Variants in EPAS1 observed in about 807,000 individuals in gnomAD.
EPAS1 encodes the protein endothelial PAS domain protein 1.
In EPAS1, 23 loss-of-function variants were observed where a neutral mutation model predicts 87.9. The observed-to-expected ratio is 0.26, with a 90% confidence interval of 0.19 to 0.37. The LOEUF (loss-of-function observed/expected upper bound fraction) is 0.37. Ranked by LOEUF, EPAS1 falls within the 10% of genes least tolerant of loss-of-function variation. The pLI is 1.00. For missense variants in EPAS1, 1,138 were observed against 1,120.7 expected, an observed-to-expected ratio of 1.02 and a Z score of -0.22; for synonymous variants, 508 against 444.3, an observed-to-expected ratio of 1.14 and a Z score of -1.80.
At chr2:46,298,085 C>A in intron 1 of EPAS1, 148 bp downstream of exon 1, 2 of 1,017,062 alleles carry the variant, frequency 2.0e-6, no homozygotes, top group Non-Finnish European at 2.9e-6. Flanking sequence ...AGGGGGAGAG[C>A]ATGTGCCCGG....
chr2:46,329,433 A>G (rs1348388548), intron 1 of EPAS1, among the ~76,000 whole-genome samples: 2 of 152,212 alleles, frequency 1.3e-5, no homozygotes, highest in African/African-American at 4.8e-5. Context: ...CAAAAAGGCA[A>G]TGAGACCGAG....
chr2:46,337,048 G>A (rs1200151458), intron 1 of EPAS1, among the ~76,000 whole-genome samples: 1 of 152,228 alleles, frequency 6.6e-6, no homozygotes, highest in Admixed American at 6.5e-5. Flanking sequence ...GAATTCTTAG[G>A]AAAGATCTAG....
intron 3 of EPAS1, 133 bp downstream of exon 3, chr2:46,356,435 GCCACA>G: frequency 3.4e-6 from 4 of 1,178,018 alleles, no homozygotes; most frequent in Non-Finnish European, 4.9e-6. Context: ...CTGACCTCAG[GCCACA>G]CGCCTCAGGC....
At chr2:46,327,395 A>G (rs949667451) in intron 1 of EPAS1, among the ~76,000 whole-genome samples, 52 of 147,340 alleles carry the variant, frequency 3.5e-4, no homozygotes, top group African/African-American at 1.4e-3. Flanking sequence ...CAGTGAGAAC[A>G]TAGGAATAGA....
At chr2:46,381,306 C>T (rs1204258153) in intron 12 of EPAS1, 2 of 473,130 alleles carry the variant, frequency 4.2e-6, no homozygotes, top group African/African-American at 3.9e-5. Context: ...GAGCAAAAGG[C>T]AGAGGAGAGA....
At chr2:46,376,923 C>T (rs182762392) in intron 9 of EPAS1, among the ~76,000 whole-genome samples, 170 bp downstream of exon 9, 2 of 152,304 alleles carry the variant, frequency 1.3e-5, no homozygotes, top group African/African-American at 4.8e-5. Flanking sequence ...CACAAAAGAA[C>T]ACCACACGCT....
intron 1 of EPAS1, among the ~76,000 whole-genome samples, chr2:46,329,736 C>T (rs749260487): frequency 5.3e-5 from 8 of 152,154 alleles, no homozygotes; most frequent in African/African-American, 1.2e-4. Flanking sequence ...GCGGGAGAAT[C>T]GCTTGAACCC....
rs149306391 is a variant in EPAS1 at position 46,343,878 on chromosome 2, C to G, written c.27-2995C>G. Among the ~76,000 whole-genome samples, 250 of 152,366 alleles carry G rather than the reference C, an allele frequency of 1.6e-3. 1 individual carries two copies. Among genetic ancestry groups the G allele is most frequent in the East Asian group, 8.9e-3 (46 of 5,188 alleles). On this transcript the variant is annotated intron_variant, in intron 1 of 15. Transcript: ENST00000263734. ...GCTCTAGGCAAGTAACTTACCTGCT[C>G]AAGTGTCTGTTTCCAGATCTGTGAA...
At chr2:46,317,367 C>G (rs1284757399) in intron 1 of EPAS1, among the ~76,000 whole-genome samples, 1 of 152,138 alleles carries the variant, frequency 6.6e-6, no homozygotes, top group Non-Finnish European at 1.5e-5. Flanking sequence ...CAGAATTACT[C>G]CTTGATCCAT....
intron 6 of EPAS1, among the ~76,000 whole-genome samples, chr2:46,361,751 T>C (rs1251430795): frequency 2.6e-5 from 4 of 152,090 alleles, no homozygotes; most frequent in Admixed American, 2.0e-4. Context: ...TTTATTAGAG[T>C]TGTTGAAAGA....
At chr2:46,332,095 G>C (rs955137214) in intron 1 of EPAS1, among the ~76,000 whole-genome samples, 4 of 152,142 alleles carry the variant, frequency 2.6e-5, no homozygotes, top group Admixed American at 2.0e-4. Flanking sequence ...AATGAGCATC[G>C]CACAGAAACC....
intron 1 of EPAS1, among the ~76,000 whole-genome samples, chr2:46,334,009 C>T (rs1182196757): frequency 1.3e-5 from 2 of 152,110 alleles, no homozygotes; most frequent in Non-Finnish European, 2.9e-5. Context: ...AGCAAGAATG[C>T]CTTGCGGAGG....
chr2:46,385,874 G>C lies in EPAS1; in HGVS notation c.*1214G>C, dbSNP rs941385975. On this transcript the variant is annotated 3_prime_UTR_variant, in exon 16 of 16. Coordinates refer to ENST00000263734, the MANE Select transcript of EPAS1 (RefSeq NM_001430.5). Reference sequence around the variant, plus strand: ...TTGGACATTTCCAGAACTACCATGAGATGGTTTAGACGGGAATTCATGCAA... The same window carrying C: ...TTGGACATTTCCAGAACTACCATGACATGGTTTAGACGGGAATTCATGCAA... 1.3e-5 allele frequency: 2 copies of C among 152,210 alleles called. No individual in the cohort carries two copies. Among genetic ancestry groups the C allele is most frequent in the African/African-American group, 4.8e-5 (2 of 41,442 alleles). 9.4% of individuals were successfully genotyped at this position (152,210 alleles called of 1,614,324 possible). A position where few individuals can be genotyped will look rare whatever the true frequency, so the allele number is the denominator to read the frequency against.
intron 1 of EPAS1, among the ~76,000 whole-genome samples, chr2:46,313,989 C>T (rs1265360543): frequency 6.6e-6 from 1 of 151,918 alleles, no homozygotes; most frequent in Non-Finnish European, 1.5e-5. Context: ...AATTTTTTTT[C>T]AAAGCTCTTG....
chr2:46,298,493 C>G (rs1558578766), intron 1 of EPAS1, among the ~76,000 whole-genome samples: 1 of 152,202 alleles, frequency 6.6e-6, no homozygotes, highest in Non-Finnish European at 1.5e-5. Context: ...GCCCCGCTGC[C>G]GGGCTCCAGA....
chr2:46,339,022 G>A (rs905749725), intron 1 of EPAS1, among the ~76,000 whole-genome samples: 4 of 152,190 alleles, frequency 2.6e-5, no homozygotes, highest in Non-Finnish European at 5.9e-5. Flanking sequence ...TGATGCCAAG[G>A]TAGTTGTCAT....
rs111598629 is a variant in EPAS1 at position 46,333,235 on chromosome 2, A to C, written c.27-13638A>C. 2.3e-4 allele frequency among the ~76,000 whole-genome samples: 35 copies of C among 152,304 alleles called. 1 individual carries two copies. Among genetic ancestry groups the C allele is most frequent in the African/African-American group, 7.9e-4 (33 of 41,570 alleles). On this transcript the variant is annotated intron_variant, in intron 1 of 15. Coordinates refer to ENST00000263734, the MANE Select transcript of EPAS1 (RefSeq NM_001430.5). ...GGGGACCGTGACTGATTTAATCTTC[A>C]TGCCAGCTCACCATACCATAACTGA... is the stretch of plus-strand genomic sequence containing the variant.
intron 7 of EPAS1, among the ~76,000 whole-genome samples, chr2:46,370,861 C>T (rs1684614094): frequency 1.3e-5 from 2 of 152,168 alleles, no homozygotes; most frequent in Non-Finnish European, 2.9e-5. Flanking sequence ...TGCAAGGGCT[C>T]TGGGCCTATA....
intron 6 of EPAS1, among the ~76,000 whole-genome samples, chr2:46,364,029 GT>G (rs778137570): frequency 1.3e-5 from 2 of 152,148 alleles, no homozygotes; most frequent in African/African-American, 2.4e-5. Context: ...GATATTTTTG[GT>G]TTTGGTAGCT....
Sources: gnomAD v4.1 joint callset for allele counts (sites outside exome capture counted in the v4.1 genomes callset) on GRCh38, gnomAD v4.1.1 for gene constraint, MANE v1.5 for transcripts, NCBI Gene and HGNC (gene_info 2026-07-23, HGNC 2026-07-21) for gene names.